The following RTTN variants were observed in gnomAD, a reference collection of about 807,000 sequenced individuals.
RTTN encodes the protein rotatin.
A neutral mutation model predicts 269.2 loss-of-function variants in RTTN; 182 were observed. The ratio of observed to expected loss-of-function variants is 0.68; its 90% CI spans 0.60 to 0.76. The LOEUF is 0.76. Ranked by LOEUF, RTTN falls within the 30% of genes least tolerant of loss-of-function variation. RTTN has a pLI of 0.00. For missense variants in RTTN, 2,545 were observed against 2,608.6 expected, an observed-to-expected ratio of 0.98 and a Z score of 0.53; for synonymous variants, 1,006 against 963.5, an observed-to-expected ratio of 1.04 and a Z score of -0.82.
intron 14 of RTTN, among the ~76,000 whole-genome samples, chr18:70,152,425 T>C (rs1298122218): frequency 6.6e-6 from 1 of 152,190 alleles, no homozygotes. Flanking sequence ...GAGGATTCAA[T>C]GAGATAATAT....
At chr18:70,139,048 G>A (rs1304992768) in intron 21 of RTTN, 9 of 149,430 alleles carry the variant, frequency 6.0e-5, no homozygotes, top group Non-Finnish European at 1.2e-4. Flanking sequence ...TACATGAAAC[G>A]TGTTCATCTA....
At chr18:70,113,055 T>C (rs1027911024) in intron 27 of RTTN, among the ~76,000 whole-genome samples, 3 of 152,092 alleles carry the variant, frequency 2.0e-5, no homozygotes, top group African/African-American at 7.2e-5. Context: ...AACAACCTGC[T>C]CCTAAATGAC....
Position 70,075,345 on chromosome 18 carries a change from T to C in RTTN, c.4564+7A>G, listed in dbSNP as rs1011733351. 1.1e-5 allele frequency: 17 copies of C among 1,537,572 alleles called. No individual in the cohort carries two copies. Among genetic ancestry groups the C allele is most frequent in the Non-Finnish European group, 1.3e-5 (15 of 1,133,480 alleles). ...CAAAAATAAAAATACAAAGATATCG[T>C]ACTTACCATTTAAATCATTGCTTTC... On this transcript the variant is annotated splice_region_variant and intron_variant, in intron 33 of 48. Transcript: ENST00000640769.
chr18:70,088,407 C>T (rs1416902910), intron 30 of RTTN, among the ~76,000 whole-genome samples: 2 of 152,236 alleles, frequency 1.3e-5, no homozygotes, highest in East Asian at 3.9e-4. Flanking sequence ...TTATAGTTTG[C>T]AAGCCTTTTT....
intron 8 of RTTN, 76 bp from the exon 9 acceptor site, chr18:70,190,795 G>A (rs972294198): frequency 8.0e-6 from 8 of 1,004,126 alleles, no homozygotes; most frequent in South Asian, 6.3e-5. Flanking sequence ...CTGCTGCCTC[G>A]CATATTAGAA....
intron 34 of RTTN, among the ~76,000 whole-genome samples, chr18:70,071,015 T>C (rs2058280605): frequency 6.6e-6 from 1 of 152,142 alleles, no homozygotes; most frequent in Non-Finnish European, 1.5e-5. Flanking sequence ...TAAAGAAACC[T>C]CACTGTCCCT....
chr18:70,100,533 A>G (rs932476885), intron 28 of RTTN, among the ~76,000 whole-genome samples: 5 of 152,310 alleles, frequency 3.3e-5, no homozygotes, highest in African/African-American at 1.2e-4. Context: ...AACAGGGACA[A>G]TTTGACTTCC....
chr18:70,150,876 T>G (rs2060520010), intron 14 of RTTN, 143 bp from the exon 15 acceptor site: 1 of 492,286 alleles, frequency 2.0e-6, no homozygotes, highest in East Asian at 3.7e-5. Context: ...ATGAAAAAGA[T>G]TCTCCTGTCT....
chr18:70,140,465 C>T lies in RTTN; in HGVS notation c.2582-277G>A, dbSNP rs76112951. Among the ~76,000 whole-genome samples the T allele has an allele frequency of 5.1e-3, 772 of 152,174 alleles. 5 individuals are homozygous for T. The highest frequency in any genetic ancestry group is 0.018 in the African/African-American group (729 of 41,556). ...GAACTAGTTCAGACTCTGAAAACTA[C>T]GAGAATTTAAGTGTACAAATGAATG... On this transcript the variant is annotated intron_variant, in intron 19 of 48. Transcript: ENST00000640769.
Position 70,155,233 on chromosome 18 carries a change from GT to G in RTTN, c.1930-4501del, listed in dbSNP as rs1354029247. Among the ~76,000 whole-genome samples the G allele has an allele frequency of 5.3e-5, 8 of 152,106 alleles. No individual in the cohort carries two copies. The East Asian group carries it at 1.5e-3, about 29-fold the overall frequency. On this transcript the variant is annotated intron_variant, in intron 14 of 48. Transcript: ENST00000640769. ...CTTCCAAGGTGCATCACCACTAACT[GT>G]CAAATCCCTAAAGGCAAGGCAGAAA...
intron 17 of RTTN, 87 bp from the exon 18 acceptor site, chr18:70,145,870 C>A: frequency 3.0e-6 from 3 of 995,900 alleles, no homozygotes; most frequent in South Asian, 4.0e-5. Flanking sequence ...AATTATATAT[C>A]AACAAAGTAC....
At chr18:70,020,123 T>C (rs1219812867) in intron 45 of RTTN, among the ~76,000 whole-genome samples, 2 of 152,200 alleles carry the variant, frequency 1.3e-5, no homozygotes, top group Admixed American at 6.5e-5. Context: ...AAATCAGTGA[T>C]GAGAAGTCTA....
At chr18:70,162,262 C>A (rs991565585) in intron 14 of RTTN, among the ~76,000 whole-genome samples, 11 of 152,064 alleles carry the variant, frequency 7.2e-5, no homozygotes, top group Non-Finnish European at 1.5e-4. Context: ...CACAGAAAAA[C>A]CAAATACAGC....
At chr18:70,070,450 T>G (rs75961626) in intron 34 of RTTN, among the ~76,000 whole-genome samples, 2 of 152,190 alleles carry the variant, frequency 1.3e-5, no homozygotes, top group African/African-American at 2.4e-5. Flanking sequence ...GTCAAAACTA[T>G]TTTTCTTTTA....
At chr18:70,007,730 T>C (rs1334189946) in intron 46 of RTTN, 4 of 152,316 alleles carry the variant, frequency 2.6e-5, no homozygotes, top group African/African-American at 4.8e-5. Context: ...GGGCAGGCCA[T>C]CTCTGAAAGA....
intron 14 of RTTN, among the ~76,000 whole-genome samples, chr18:70,161,670 T>C (rs937298619): frequency 3.9e-5 from 6 of 151,940 alleles, no homozygotes; most frequent in African/African-American, 1.5e-4. Flanking sequence ...AATAACCCCA[T>C]TACAAATGGG....
intron 40 of RTTN, among the ~76,000 whole-genome samples, chr18:70,035,495 A>G (rs1197254215): frequency 2.6e-5 from 4 of 152,242 alleles, no homozygotes; most frequent in Non-Finnish European, 5.9e-5. Context: ...TGCTGGGATA[A>G]CTGACTAATT....
At position 70,092,565 on chromosome 18, in the gene RTTN, A is replaced by T. The variant is rs918305297; in HGVS notation, c.4032+111T>A. 5.9e-5 allele frequency: 73 copies of T among 1,227,532 alleles called. No homozygotes were observed. In the Middle Eastern group the frequency reaches 6.1e-4, roughly 10 times the overall value. The allele number at this position is 1,227,532 out of a possible 1,614,324, so 76.0% of individuals were successfully genotyped here. A position where few individuals can be genotyped will look rare whatever the true frequency, so the allele number is the denominator to read the frequency against. Reference sequence around the variant, plus strand: ...ATCATTCACGTTACCTAAAAAGAAAAGTCAAAAGAGACATTTTCATGTGGC... The same window carrying T: ...ATCATTCACGTTACCTAAAAAGAAATGTCAAAAGAGACATTTTCATGTGGC... On this transcript the variant is annotated intron_variant, in intron 29 of 48. Transcript: ENST00000640769.
At chr18:70,086,514 A>T in intron 32 of RTTN, 99 bp downstream of exon 32, 3 of 969,132 alleles carry the variant, frequency 3.1e-6, no homozygotes, top group Non-Finnish European at 4.8e-6. Context: ...TGTCTTGTAT[A>T]TAGTTTCATC....
Sources: gnomAD v4.1 joint callset for allele counts (sites outside exome capture counted in the v4.1 genomes callset) on GRCh38, gnomAD v4.1.1 for gene constraint, MANE v1.5 for transcripts, NCBI Gene and HGNC (gene_info 2026-07-23, HGNC 2026-07-21) for gene names.